ZNF746: variants seen among roughly 807,000 people sequenced by gnomAD.
ZNF746 encodes zinc finger protein 746.
ZNF746 carries 13 observed loss-of-function variants against 41.0 expected under a neutral mutation model. The observed-to-expected ratio is 0.32, with a 90% CI of 0.21 to 0.50. ZNF746 has a LOEUF of 0.50. Ranked by LOEUF, ZNF746 falls within the 20% of genes least tolerant of loss-of-function variation. The pLI, the probability that ZNF746 is intolerant of heterozygous loss-of-function variation, is 0.98. For missense variants in ZNF746, 811 were observed against 922.9 expected (o/e 0.88, Z 1.57); for synonymous variants, 424 against 396.2 (o/e 1.07, Z -0.83).
intron 1 of ZNF746, among the ~76,000 whole-genome samples, chr7:149,496,347 G>A (rs1165179122): frequency 6.6e-6 from 1 of 152,212 alleles, no homozygotes; most frequent in Non-Finnish European, 1.5e-5. Context: ...TTACTGACAA[G>A]TGGCTGGAAT....
At chr7:149,496,313 C>T (rs1242016636) in intron 1 of ZNF746, among the ~76,000 whole-genome samples, 1 of 152,154 alleles carries the variant, frequency 6.6e-6, no homozygotes, top group African/African-American at 2.4e-5. Context: ...GGCGACTGTG[C>T]GCTGCTCACT....
Position 149,474,745 on chromosome 7 carries a change from A to C in ZNF746, c.1622T>G (p.Leu541Arg). ...CGRCFTRPAH[L>R]IRHRMLHTGE... is the part of the protein sequence containing the mutation. ...GGTGTGCAGCATGCGATGGCGGATG[A>C]GGTGCGCGGGGCGCGTGAAGCAACG... The change falls in exon 7 of 7, where the codon CTC becomes CGC. Residue 541 changes from leucine (L) to arginine (R), a missense_variant. Physicochemically the swap from Leu to Arg is moderately radical, Grantham distance 102 (BLOSUM62 -2). Around this residue, in one of 4 missense-constraint regions of ZNF746, gnomAD observed 70 missense variants for 127.6 expected, o/e 0.55. Coordinates refer to ENST00000458143, the MANE Select transcript of ZNF746 (RefSeq NM_001394198.1). This position sits in a 1 kb window ranked among gnomAD's most constrained non-coding sequence, Gnocchi z 6.3. 6.2e-7 allele frequency: 1 copy of C among 1,605,056 alleles called. No individual in the cohort carries two copies. Among genetic ancestry groups the C allele is most frequent in the South Asian group, 1.1e-5 (1 of 90,352 alleles).
intron 6 of ZNF746, 147 bp from the exon 7 acceptor site, chr7:149,475,630 G>A: frequency 7.4e-7 from 1 of 1,343,128 alleles, no homozygotes; most frequent in Non-Finnish European, 1.0e-6. Flanking sequence ...GCTCAGCAGA[G>A]CAGCCTGGTG....
chr7:149,474,925 TG>T lies in ZNF746; in HGVS notation c.1441del (p.Gln481LysfsTer4). 6.5e-7 allele frequency: 1 copy of T among 1,541,968 alleles called. No individual in the cohort carries two copies. On this transcript the variant is annotated frameshift_variant, in exon 7 of 7. Coordinates refer to ENST00000458143, the MANE Select transcript of ZNF746 (RefSeq NM_001394198.1). LOFTEE classifies it low-confidence loss of function (END_TRUNC). The surrounding 1 kb of genome is among the most constrained non-coding windows in gnomAD (Gnocchi z 6.3). Reference protein sequence around the residue: ...CATCGKSFQLQVSLSAHQRSC... With the variant: ...CATCGKSFQLXVSLSAHQRSC... ...GCGCTGGTGCGCGCTCAGGCTGACT[TG>T]CAGCTGGAAGCTCTTCCCACACGTG...
chr7:149,496,571 C>G, intron 1 of ZNF746, among the ~76,000 whole-genome samples: 1 of 152,190 alleles, frequency 6.6e-6, no homozygotes, highest in Admixed American at 6.5e-5. Context: ...CTTTCTGTGC[C>G]TGCACACGCC....
rs1318430903 is a variant in ZNF746 at position 149,474,654 on chromosome 7, G to A, written c.1713C>T (p.Asp571=). Residue 571 remains aspartate (D), a synonymous_variant, in exon 7 of 7, where the codon GAC becomes GAT. Transcript: ENST00000458143. This position sits in a 1 kb window ranked among gnomAD's most constrained non-coding sequence, Gnocchi z 6.3. The part of the protein sequence containing the change: ...KRFTERSKLI[D]HYRTHTGVRP... The stretch of plus-strand genomic sequence containing the variant: ...GCACGCCCGTGTGCGTTCGGTAGTG[G>A]TCGATGAGCTTGGAGCGTTCGGTGA... 3 of 1,613,524 alleles carry A rather than the reference G, an allele frequency of 1.9e-6. No homozygotes were observed. The highest frequency in any genetic ancestry group is 2.5e-6 in the Non-Finnish European group (3 of 1,179,794).
At chr7:149,485,723 A>T (rs1800605701) in intron 4 of ZNF746, among the ~76,000 whole-genome samples, 1 of 151,378 alleles carries the variant, frequency 6.6e-6, no homozygotes, top group Admixed American at 6.6e-5. Flanking sequence ...GTTGACAAAA[A>T]GGTTAATATT....
intron 4 of ZNF746, chr7:149,487,784 T>C (rs1217438093): frequency 6.6e-6 from 1 of 152,122 alleles, no homozygotes; most frequent in Non-Finnish European, 1.5e-5. Context: ...CTTCAATAAA[T>C]GAGTGTTCCA....
intron 4 of ZNF746, 23 bp downstream of exon 4, chr7:149,492,836 C>T (rs765922603): frequency 5.8e-6 from 9 of 1,557,832 alleles, no homozygotes; most frequent in Non-Finnish European, 7.1e-6. Flanking sequence ...CTGATGCCTC[C>T]CTGGCCTTCT....
chr7:149,480,083 T>TA (rs1282728252), intron 4 of ZNF746, among the ~76,000 whole-genome samples: 1 of 152,226 alleles, frequency 6.6e-6, no homozygotes, highest in Admixed American at 6.5e-5. Context: ...GAAGTGGTCC[T>TA]AAGTCTGCAT....
At chr7:149,481,832 C>T (rs1800493420) in intron 4 of ZNF746, among the ~76,000 whole-genome samples, 1 of 152,116 alleles carries the variant, frequency 6.6e-6, no homozygotes, top group African/African-American at 2.4e-5. Flanking sequence ...TAAAGATTAA[C>T]AGCACAATTT....
Position 149,476,463 on chromosome 7 carries a change from T to G in ZNF746, c.883+459A>C, listed in dbSNP as rs141356388. On this transcript the variant is annotated intron_variant, in intron 6 of 6. Transcript: ENST00000458143. Reference sequence around the variant, plus strand: ...AATATGACGTTATTATAGTAACAGGTGACTGGTCTTCAAAACAGAAGTAAA... The same window carrying G: ...AATATGACGTTATTATAGTAACAGGGGACTGGTCTTCAAAACAGAAGTAAA... Among the ~76,000 whole-genome samples the G allele has an allele frequency of 5.3e-4, 81 of 151,680 alleles. No individual in the cohort carries two copies. The East Asian group carries it at 0.011, about 21-fold the overall frequency.
chr7:149,495,606 C>T (rs1800970250), intron 1 of ZNF746, among the ~76,000 whole-genome samples: 3 of 152,198 alleles, frequency 2.0e-5, no homozygotes, highest in African/African-American at 4.8e-5. Flanking sequence ...TTACAACATT[C>T]TGCAAAATAA....
Position 149,474,695 on chromosome 7 carries a change from C to T in ZNF746, c.1672G>A (p.Glu558Lys), listed in dbSNP as rs185564177. 1.2e-6 allele frequency: 2 copies of T among 1,613,010 alleles called. No individual in the cohort carries two copies. Among genetic ancestry groups the T allele is most frequent in the Non-Finnish European group, 1.7e-6 (2 of 1,179,762 alleles). ...HTGERPFPCT[E>K]CEKRFTERSK... ...CGTTCGGTGAAGCGCTTCTCACACT[C>T]GGTGCAGGGGAAGGGCCGCTCGCCG... The change falls in exon 7 of 7, where the codon GAG becomes AAG. Residue 558 changes from glutamate (E) to lysine (K), a missense_variant. Physicochemically the swap from Glu to Lys is moderately conservative, Grantham distance 56. Coordinates refer to ENST00000458143, the MANE Select transcript of ZNF746 (RefSeq NM_001394198.1). The surrounding 1 kb of genome is among the most constrained non-coding windows in gnomAD (Gnocchi z 6.3).
chr7:149,497,281 C>T lies in ZNF746; in HGVS notation c.24+232G>A, dbSNP rs1242347441. The T allele has an allele frequency of 2.0e-6, 2 of 985,244 alleles. No homozygotes were observed. Among genetic ancestry groups the T allele is most frequent in the Non-Finnish European group, 2.4e-6 (2 of 829,840 alleles). 61.0% of individuals were successfully genotyped at this position (985,244 alleles called of 1,614,324 possible). A position where few individuals can be genotyped will look rare whatever the true frequency, so the allele number is the denominator to read the frequency against. On this transcript the variant is annotated intron_variant, in intron 1 of 6. Coordinates refer to ENST00000458143, the MANE Select transcript of ZNF746 (RefSeq NM_001394198.1). The surrounding 1 kb of genome is among the most constrained non-coding windows in gnomAD (Gnocchi z 4.2). ...CCCAAAGAACTTGGCGTGGGGCGGC[C>T]CGGGGCGGGGACAACCGTTCCGCCA...
chr7:149,474,407 G>T lies in ZNF746; in HGVS notation c.1960C>A (p.Pro654Thr), dbSNP rs771209564. The T allele has an allele frequency of 1.9e-6, 3 of 1,609,458 alleles. No homozygotes were observed. The highest frequency in any genetic ancestry group is 1.3e-5 in the African/African-American group (1 of 74,850). Residue 654 changes from proline (P) to threonine (T), a missense_variant, in exon 7 of 7, where the codon CCC becomes ACC. Coordinates refer to ENST00000458143, the MANE Select transcript of ZNF746 (RefSeq NM_001394198.1). This position sits in a 1 kb window ranked among gnomAD's most constrained non-coding sequence, Gnocchi z 6.3. The part of the protein sequence containing the change: ...DWTCGLSVLG[P>T]TDGGDM ...GCTCACATGTCCCCGCCATCGGTGGGTCCCAGGACGCTGAGGCCACAAGTC... is the reference window on the plus strand; with the variant it reads ...GCTCACATGTCCCCGCCATCGGTGGTTCCCAGGACGCTGAGGCCACAAGTC...
chr7:149,480,761 G>T (rs957988487), intron 4 of ZNF746, among the ~76,000 whole-genome samples: 3 of 152,282 alleles, frequency 2.0e-5, no homozygotes, highest in Admixed American at 6.5e-5. Context: ...AAAATCCAAT[G>T]TGTAGGTTAA....
At chr7:149,496,849 C>T (rs2116508294) in intron 1 of ZNF746, 1 of 985,444 alleles carries the variant, frequency 1.0e-6, no homozygotes, top group African/African-American at 1.7e-5. Context: ...ACCTGCCTGC[C>T]TGGTCCTTGA....
rs571739965 is a variant in ZNF746 at position 149,483,718 on chromosome 7, T to C, written c.566-5963A>G. ...GAACCTTTTCAAAAGTAGAAGGAAA[T>C]AATACATATAAGAGTATCATAAATT... On this transcript the variant is annotated intron_variant, in intron 4 of 6. Coordinates refer to ENST00000458143, the MANE Select transcript of ZNF746 (RefSeq NM_001394198.1). Among the ~76,000 whole-genome samples the C allele has an allele frequency of 1.3e-4, 19 of 151,330 alleles. No individual in the cohort carries two copies. The South Asian group carries it at 3.8e-3, about 30-fold the overall frequency.
Sources: allele counts gnomAD v4.1 joint callset (sites outside exome capture counted in the v4.1 genomes callset), GRCh38; gene constraint gnomAD v4.1.1; regional missense constraint gnomAD v4.1.1; non-coding constraint Gnocchi (gnomAD v3.1); transcripts MANE v1.5; gene names NCBI Gene and HGNC (gene_info 2026-07-23, HGNC 2026-07-21).